Variants in SEMA5B observed in about 807,000 individuals in gnomAD.
SEMA5B encodes semaphorin 5B.
In SEMA5B, 66 loss-of-function variants were observed where a neutral mutation model predicts 135.0. The observed-to-expected ratio is 0.49, with a 90% CI of 0.40 to 0.60. The LOEUF is 0.60. Ranked by LOEUF, SEMA5B falls within the 20% of genes least tolerant of loss-of-function variation. The pLI, the probability that SEMA5B is intolerant of heterozygous loss-of-function variation, is 0.00. For missense variants in SEMA5B, 1,501 were observed against 1,566.3 expected (o/e 0.96, Z 0.70); for synonymous variants, 690 against 639.5 (o/e 1.08, Z -1.19).
intron 1 of SEMA5B, among the ~76,000 whole-genome samples, chr3:123,019,524 GC>G (rs1211003065): frequency 6.6e-6 from 1 of 152,188 alleles, no homozygotes; most frequent in Non-Finnish European, 1.5e-5. Flanking sequence ...GGGAGGGTGA[GC>G]CTGCAGTGAG....
chr3:122,948,586 C>G lies in SEMA5B; in HGVS notation c.248G>C (p.Ser83Thr). The G allele has an allele frequency of 6.2e-7, 1 of 1,614,002 alleles. No homozygotes were observed. The highest frequency in any genetic ancestry group is 8.5e-7 in the Non-Finnish European group (1 of 1,179,930). ...SLTLLVSHLS[S>T]SQDVSSEPSS... ...GGGCTCACTGGAGACATCCTGGGAG[C>G]TGGAGAGGTGGGACACCAGCAGTGT... The change falls in exon 3 of 23, where the codon AGC (serine) becomes ACC (threonine). Residue 83 changes from serine to threonine, a missense_variant. Around this residue, in one of 2 missense-constraint regions of SEMA5B, gnomAD observed 574 missense variants for 684.7 expected, o/e 0.84. Transcript: ENST00000357599.
In SEMA5B at chr3:123,001,015, C is replaced by A. The variant is rs187492652; in HGVS notation, c.-39+26449G>T. On this transcript the variant is annotated intron_variant, in intron 1 of 22. Transcript: ENST00000357599. ...TGCACTAGATGGGGAGCCGGCTGAT[C>A]CCCAGGAGGCAGCCCTGGGAGGAGC... Among the ~76,000 whole-genome samples the A allele has an allele frequency of 2.2e-3, 330 of 152,244 alleles. 1 individual carries two copies. Among genetic ancestry groups the A allele is most frequent in the African/African-American group, 7.5e-3 (313 of 41,530 alleles).
intron 1 of SEMA5B, among the ~76,000 whole-genome samples, chr3:122,984,348 A>G (rs913449280): frequency 5.3e-5 from 8 of 152,204 alleles, no homozygotes; most frequent in African/African-American, 1.9e-4. Flanking sequence ...CACTAACCCT[A>G]TCACTCCCAT....
chr3:122,923,784 T>A, intron 9 of SEMA5B, 32 bp from the exon 10 acceptor site: 1 of 1,612,812 alleles, frequency 6.2e-7, no homozygotes, highest in Non-Finnish European at 8.5e-7. Flanking sequence ...CACAGGGCCC[T>A]CCCTGTAAGA....
intron 2 of SEMA5B, among the ~76,000 whole-genome samples, chr3:122,960,828 A>C (rs1279095733): frequency 6.6e-6 from 1 of 152,160 alleles, no homozygotes; most frequent in African/African-American, 2.4e-5. Flanking sequence ...AGGAAGCCAG[A>C]GTTATTGTTT....
intron 21 of SEMA5B, 184 bp downstream of exon 21, chr3:122,911,307 G>A: frequency 6.7e-7 from 1 of 1,486,136 alleles, no homozygotes; most frequent in Non-Finnish European, 9.0e-7. Flanking sequence ...GACTGATGAT[G>A]GCCTCCTAGC....
At chr3:122,923,871 T>C in intron 9 of SEMA5B, 119 bp from the exon 10 acceptor site, 1 of 1,062,006 alleles carries the variant, frequency 9.4e-7, no homozygotes, top group Non-Finnish European at 1.4e-6. Flanking sequence ...CTATGATGTG[T>C]CTGGCACATG....
chr3:123,005,633 G>A (rs1015285899), intron 1 of SEMA5B, among the ~76,000 whole-genome samples: 2 of 152,172 alleles, frequency 1.3e-5, no homozygotes, highest in African/African-American at 4.8e-5. Flanking sequence ...GTTGAGGGTA[G>A]GGAGGTGGAA....
chr3:122,944,831 C>T (rs973903918), intron 3 of SEMA5B, among the ~76,000 whole-genome samples: 3 of 152,160 alleles, frequency 2.0e-5, no homozygotes, highest in African/African-American at 7.2e-5. Context: ...CTATGCATGA[C>T]CCATGGATGG....
In SEMA5B at chr3:122,910,131, A is replaced by C. The variant is rs1192134944; in HGVS notation, c.*12T>G. 1 of 1,612,742 alleles carries C rather than the reference A, an allele frequency of 6.2e-7. No homozygotes were observed. Among genetic ancestry groups the C allele is most frequent in the Non-Finnish European group, 8.5e-7 (1 of 1,179,362 alleles). The stretch of plus-strand genomic sequence containing the variant: ...ATGAAGGCAAGAAGCCCAAGTCCCC[A>C]GGACGGCGGTATCAGCTGTTGGGGA... On this transcript the variant is annotated 3_prime_UTR_variant, in exon 23 of 23. Transcript: ENST00000357599.
chr3:122,956,812 C>T (rs756614963), intron 2 of SEMA5B, among the ~76,000 whole-genome samples: 22 of 152,174 alleles, frequency 1.4e-4, no homozygotes, highest in Admixed American at 1.3e-4. Flanking sequence ...GGTAGAGCAG[C>T]GGGAAGCAGC....
At chr3:122,963,543 T>C (rs145737391) in intron 1 of SEMA5B, among the ~76,000 whole-genome samples, 149 of 151,476 alleles carry the variant, frequency 9.8e-4, no homozygotes, top group Non-Finnish European at 1.8e-3. Flanking sequence ...AGCTGTGATA[T>C]AAGTGGCTGA....
At chr3:122,917,963 G>A (rs758500279) in intron 12 of SEMA5B, among the ~76,000 whole-genome samples, 1 of 151,828 alleles carries the variant, frequency 6.6e-6, no homozygotes, top group African/African-American at 2.4e-5. Context: ...GGCTGACATT[G>A]GGATCAAGAG....
intron 5 of SEMA5B, 54 bp from the exon 6 acceptor site, chr3:122,929,112 C>T (rs990894599): frequency 1.9e-6 from 3 of 1,547,282 alleles, no homozygotes; most frequent in South Asian, 2.2e-5. Flanking sequence ...TCATTTACTG[C>T]CACTCACTGG....
At position 122,912,352 on chromosome 3, in the gene SEMA5B, G is replaced by A; in HGVS notation, c.2726-10C>T. The A allele has an allele frequency of 6.3e-7, 1 of 1,576,720 alleles. No homozygotes were observed. ...GACCAAGCACCCCGAACTGCAAGGG[G>A]ACGGGGTGTGTGAGGGGCTGTAGGG... is the stretch of plus-strand genomic sequence containing the variant. On this transcript the variant is annotated splice_polypyrimidine_tract_variant and intron_variant, in intron 18 of 22. Coordinates refer to ENST00000357599, the MANE Select transcript of SEMA5B (RefSeq NM_001031702.4).
At chr3:123,021,185 C>A (rs1259062555) in intron 1 of SEMA5B, among the ~76,000 whole-genome samples, 1 of 152,218 alleles carries the variant, frequency 6.6e-6, no homozygotes, top group African/African-American at 2.4e-5. Context: ...GGGAAATCTG[C>A]AGGGGTCTGA....
chr3:123,003,821 G>A (rs1445940890), intron 1 of SEMA5B, among the ~76,000 whole-genome samples: 3 of 145,890 alleles, frequency 2.1e-5, no homozygotes, highest in African/African-American at 7.8e-5. Context: ...GCGACAGAGC[G>A]AGACTCTTAT....
intron 5 of SEMA5B, among the ~76,000 whole-genome samples, chr3:122,936,705 C>T (rs979262046): frequency 6.6e-6 from 1 of 152,190 alleles, no homozygotes; most frequent in African/African-American, 2.4e-5. Context: ...TCACTAGCCT[C>T]CTTTTCTTTC....
intron 1 of SEMA5B, among the ~76,000 whole-genome samples, chr3:123,007,460 A>T (rs73859417): frequency 0.11 from 16,599 of 152,044 alleles, 1,519 homozygotes; most frequent in African/African-American, 0.25. Context: ...GGTCTGAACA[A>T]CCCCTTCAAA....
Sources: allele counts gnomAD v4.1 joint callset (sites outside exome capture counted in the v4.1 genomes callset), GRCh38; gene constraint gnomAD v4.1.1; regional missense constraint gnomAD v4.1.1; transcripts MANE v1.5; gene names NCBI Gene and HGNC (gene_info 2026-07-23, HGNC 2026-07-21).